Variants in ACOT13 observed in about 807,000 individuals in gnomAD.
The protein encoded by ACOT13 is acyl-coenzyme A thioesterase 13.
ACOT13 carries 10 observed loss-of-function variants against 11.8 expected under a neutral mutation model. That is an observed-to-expected ratio of 0.85 (90% CI 0.53 to 1.44). The LOEUF (loss-of-function observed/expected upper bound fraction) is 1.44, where lower values mean the gene tolerates loss of function less well. ACOT13 is among the 40% of genes most tolerant of loss of function. The pLI, the probability that ACOT13 is intolerant of heterozygous loss-of-function variation, is 0.00. For missense variants in ACOT13, 172 were observed against 174.1 expected (o/e 0.99, Z 0.07); for synonymous variants, 53 against 61.0 (o/e 0.87, Z 0.61).
At position 24,703,230 on chromosome 6, in the gene ACOT13, C is replaced by CTT; in HGVS notation, c.*1616_*1617insTT. On this transcript the variant is annotated 3_prime_UTR_variant, in exon 3 of 3. Transcript: ENST00000230048. The stretch of plus-strand genomic sequence containing the variant: ...TTAATGAACATTTCATGACTAAAGA[C>CTT]TAAAAAGGATGCAGCTTTAAGTAAA... 6.6e-6 allele frequency: 1 copy of CTT among 152,316 alleles called. No homozygotes were observed. Among genetic ancestry groups the CTT allele is most frequent in the South Asian group, 2.1e-4 (1 of 4,830 alleles). The allele number at this position is 152,316 out of a possible 1,614,324, so 9.4% of individuals were successfully genotyped here.
chr6:24,667,213 C>T lies in ACOT13; in HGVS notation c.-51C>T, dbSNP rs753625369. 5.5e-5 allele frequency: 86 copies of T among 1,569,200 alleles called. No individual in the cohort carries two copies. Among genetic ancestry groups the T allele is most frequent in the Non-Finnish European group, 6.8e-5 (78 of 1,142,174 alleles). On this transcript the variant is annotated 5_prime_UTR_variant, in exon 1 of 3. Transcript: ENST00000230048. ...TCACTAACTTCTGGACTTTCCAGCTCTTCCGAAGTTCGTTCTTGCGCAAAG... is the reference window on the plus strand; with the variant it reads ...TCACTAACTTCTGGACTTTCCAGCTTTTCCGAAGTTCGTTCTTGCGCAAAG...
At chr6:24,684,659 G>A (rs555313558) in intron 1 of ACOT13, among the ~76,000 whole-genome samples, 8 of 128,380 alleles carry the variant, frequency 6.2e-5, no homozygotes, top group African/African-American at 1.5e-4. Context: ...AAATAGCCAC[G>A]TTTTAAAAAG....
chr6:24,690,582 T>G (rs1248233870), intron 1 of ACOT13, among the ~76,000 whole-genome samples: 1 of 152,236 alleles, frequency 6.6e-6, no homozygotes, highest in African/African-American at 2.4e-5. Context: ...GTAATTGTTT[T>G]TATTCTTTTG....
intron 1 of ACOT13, among the ~76,000 whole-genome samples, chr6:24,672,292 AAATTT>A (rs1778378173): frequency 1.3e-5 from 2 of 152,246 alleles, no homozygotes; most frequent in Non-Finnish European, 2.9e-5. Context: ...GAAGCTAATT[AAATTT>A]GTTTTCAAAA....
At position 24,699,366 on chromosome 6, in the gene ACOT13, T is replaced by C. The variant is rs565465347; in HGVS notation, c.266+1299T>C. On this transcript the variant is annotated intron_variant, in intron 2 of 2. Coordinates refer to ENST00000230048, the MANE Select transcript of ACOT13 (RefSeq NM_018473.4). ...CTGGGACTACAGGCGCCTGCCACCA[T>C]GCCCGACTAATTTGTTTGTATTTTT... Among the ~76,000 whole-genome samples the C allele has an allele frequency of 3.7e-3, 568 of 152,108 alleles. 2 individuals carry two copies. Among genetic ancestry groups the C allele is most frequent in the African/African-American group, 0.011 (448 of 41,504 alleles).
intron 1 of ACOT13, among the ~76,000 whole-genome samples, chr6:24,686,497 G>T (rs189693889): frequency 6.6e-6 from 1 of 152,014 alleles, no homozygotes; most frequent in African/African-American, 2.4e-5. Context: ...GTGCAAGCAG[G>T]TGCGTCAAAT....
At chr6:24,674,729 G>GT (rs1778417093) in intron 1 of ACOT13, among the ~76,000 whole-genome samples, 2 of 151,970 alleles carry the variant, frequency 1.3e-5, no homozygotes, top group South Asian at 2.1e-4. Context: ...GAGTTCAACT[G>GT]TTTTTTTATT....
At chr6:24,672,226 T>G (rs1027879160) in intron 1 of ACOT13, among the ~76,000 whole-genome samples, 1 of 151,986 alleles carries the variant, frequency 6.6e-6, no homozygotes, top group African/African-American at 2.4e-5. Context: ...AAAACCTTCA[T>G]TCTTTGAGAG....
At chr6:24,695,195 T>G (rs7770027) in intron 1 of ACOT13, among the ~76,000 whole-genome samples, 107,819 of 151,902 alleles carry the variant, frequency 0.71, 39,115 homozygotes, top group African/African-American at 0.83. Flanking sequence ...TGTAGTCCCA[T>G]CTACTCAGGA....
rs116146566 is a variant in ACOT13 at position 24,694,493 on chromosome 6, A to G, written c.82-3390A>G. Among the ~76,000 whole-genome samples the G allele has an allele frequency of 8.6e-3, 1,312 of 152,348 alleles. 13 individuals carry two copies. Among genetic ancestry groups the G allele is most frequent in the Non-Finnish European group, 0.014 (961 of 68,020 alleles). On this transcript the variant is annotated intron_variant, in intron 1 of 2. Transcript: ENST00000230048. ...GGCAGCACTGAGACAGCACATGTCA[A>G]ATTGCTCAGCATGGTCTCTAACATG...
chr6:24,682,710 A>G (rs1778573228), intron 1 of ACOT13, among the ~76,000 whole-genome samples: 1 of 151,918 alleles, frequency 6.6e-6, no homozygotes, highest in South Asian at 2.1e-4. Context: ...GATGGCGGCA[A>G]ACAGCAGTGG....
At chr6:24,679,444 C>T (rs575076570) in intron 1 of ACOT13, among the ~76,000 whole-genome samples, 8 of 152,204 alleles carry the variant, frequency 5.3e-5, no homozygotes, top group Non-Finnish European at 8.8e-5. Context: ...TATGCTTCCT[C>T]AATGCCTCCC....
Position 24,704,099 on chromosome 6 carries a change from T to C in ACOT13, c.*2484T>C, listed in dbSNP as rs1332078664. On this transcript the variant is annotated 3_prime_UTR_variant, in exon 3 of 3. Transcript: ENST00000230048. ...ATATGGATGATAAAGAGTATCAACATTCCCTGAGTTTGGTAATTTTACTCT... is the reference window on the plus strand; with the variant it reads ...ATATGGATGATAAAGAGTATCAACACTCCCTGAGTTTGGTAATTTTACTCT... The C allele has an allele frequency of 6.6e-6, 1 of 152,176 alleles. No individual in the cohort carries two copies. The highest frequency in any genetic ancestry group is 1.5e-5 in the Non-Finnish European group (1 of 68,026). The allele number at this position is 152,176 out of a possible 1,614,324, so 9.4% of individuals were successfully genotyped here.
intron 1 of ACOT13, among the ~76,000 whole-genome samples, chr6:24,685,712 C>T (rs1012534787): frequency 6.6e-6 from 1 of 151,880 alleles, no homozygotes; most frequent in Non-Finnish European, 1.5e-5. Flanking sequence ...TGATTTTGCT[C>T]CCCGAGGGAC....
At chr6:24,699,296 G>A (rs934814434) in intron 2 of ACOT13, among the ~76,000 whole-genome samples, 11 of 144,240 alleles carry the variant, frequency 7.6e-5, no homozygotes, top group South Asian at 6.8e-4. Context: ...TGCAAGCTCC[G>A]CCTCCCGGGT....
intron 1 of ACOT13, among the ~76,000 whole-genome samples, chr6:24,680,999 C>G (rs374798628): frequency 2.0e-5 from 3 of 152,130 alleles, no homozygotes; most frequent in Non-Finnish European, 4.4e-5. Flanking sequence ...AACCATCTAT[C>G]GTCCTGTCCT....
chr6:24,684,282 G>C (rs560642221), intron 1 of ACOT13, among the ~76,000 whole-genome samples: 1 of 152,342 alleles, frequency 6.6e-6, no homozygotes, highest in South Asian at 2.1e-4. Flanking sequence ...CTCTTTGAAA[G>C]ATAAGTTATC....
chr6:24,687,490 A>G (rs1226457941), intron 1 of ACOT13: 9 of 1,372,752 alleles, frequency 6.6e-6, no homozygotes, highest in Non-Finnish European at 8.5e-6. Context: ...TCCAACACAC[A>G]TAGAAATAAG....
chr6:24,698,003 T>C lies in ACOT13; in HGVS notation c.202T>C (p.Ser68Pro), dbSNP rs1188822755. 2 of 1,613,722 alleles carry C rather than the reference T, an allele frequency of 1.2e-6. No homozygotes were observed. The highest frequency in any genetic ancestry group is 8.5e-7 in the Non-Finnish European group (1 of 1,179,922). The change falls in exon 2 of 3, where the codon TCA becomes CCA. Residue 68 changes from serine (S) to proline (P), a missense_variant. Ser to Pro is a moderately conservative substitution (Grantham distance 74). Coordinates refer to ENST00000230048, the MANE Select transcript of ACOT13 (RefSeq NM_018473.4). ...GLTATLVDNI[S>P]TMALLCTERG... ...GACAGCCACGTTAGTAGATAACATA[T>C]CAACAATGGCTCTGCTATGCACGGA... is the stretch of plus-strand genomic sequence containing the variant.
Sources: gnomAD v4.1 joint callset for allele counts (sites outside exome capture counted in the v4.1 genomes callset) on GRCh38, gnomAD v4.1.1 for gene constraint, MANE v1.5 for transcripts, NCBI Gene and HGNC (gene_info 2026-07-23, HGNC 2026-07-21) for gene names.